SPAG16: variants seen among roughly 807,000 people sequenced by gnomAD.
SPAG16 encodes the protein sperm associated antigen 16, also known as sperm-associated antigen 16 protein.
In SPAG16, 86 loss-of-function variants were observed where a neutral mutation model predicts 80.4. The observed-to-expected ratio is 1.07, with a 90% CI of 0.90 to 1.28. The LOEUF (loss-of-function observed/expected upper bound fraction) is 1.28, where lower values mean the gene tolerates loss of function less well. Among genes scored for constraint, SPAG16 ranks in the 50% most tolerant of loss-of-function variants. The probability of loss-of-function intolerance (pLI) is 0.00; values close to 1 mark genes in which losing one functional copy is unlikely to be tolerated. For missense variants in SPAG16, 870 were observed against 765.3 expected, an observed-to-expected ratio of 1.14 and a Z score of -1.61; for synonymous variants, 294 against 265.9, an observed-to-expected ratio of 1.11 and a Z score of -1.03.
At chr2:213,431,777 C>T (rs921509092) in intron 9 of SPAG16, among the ~76,000 whole-genome samples, 2 of 152,002 alleles carry the variant, frequency 1.3e-5, no homozygotes, top group African/African-American at 2.4e-5. Flanking sequence ...GAACATTTTA[C>T]TCAACAACCT....
chr2:214,176,644 C>T (rs1162840489), intron 15 of SPAG16, among the ~76,000 whole-genome samples: 1 of 151,114 alleles, frequency 6.6e-6, no homozygotes, highest in Non-Finnish European at 1.5e-5. Context: ...TATTATTTTC[C>T]CTTGGGAGCT....
intron 10 of SPAG16, among the ~76,000 whole-genome samples, chr2:213,690,862 C>T (rs1184963302): frequency 1.3e-5 from 2 of 152,176 alleles, no homozygotes; most frequent in East Asian, 3.8e-4. Flanking sequence ...GAGGGCTGCA[C>T]TGTTGGCTTC....
At chr2:214,345,827 T>C (rs1698014591) in intron 15 of SPAG16, among the ~76,000 whole-genome samples, 1 of 152,186 alleles carries the variant, frequency 6.6e-6, no homozygotes, top group South Asian at 2.1e-4. Flanking sequence ...ATATATTCTG[T>C]ACCCTGGCTC....
chr2:214,031,691 G>T (rs1345213091), intron 13 of SPAG16, among the ~76,000 whole-genome samples: 2 of 151,746 alleles, frequency 1.3e-5, no homozygotes, highest in African/African-American at 4.8e-5. Flanking sequence ...AAGAAAACAG[G>T]TTTAATTGAC....
chr2:213,348,705 C>T (rs1437559462), intron 6 of SPAG16, among the ~76,000 whole-genome samples: 1 of 151,960 alleles, frequency 6.6e-6, no homozygotes, highest in African/African-American at 2.4e-5. Flanking sequence ...GAATATTGGC[C>T]CCCACTCTCT....
At chr2:214,118,494 T>C (rs1358593951) in intron 14 of SPAG16, among the ~76,000 whole-genome samples, 4 of 152,104 alleles carry the variant, frequency 2.6e-5, no homozygotes, top group Non-Finnish European at 5.9e-5. Flanking sequence ...TTCCACATCG[T>C]TGGGGAGGCC....
chr2:213,586,686 G>A (rs1199067810), intron 10 of SPAG16, among the ~76,000 whole-genome samples: 8 of 152,126 alleles, frequency 5.3e-5, no homozygotes, highest in East Asian at 1.9e-4. Context: ...TGAGACTCAA[G>A]GTACAATTCA....
chr2:213,594,070 C>T (rs1232699987), intron 10 of SPAG16, among the ~76,000 whole-genome samples: 4 of 152,028 alleles, frequency 2.6e-5, no homozygotes, highest in Non-Finnish European at 5.9e-5. Flanking sequence ...CCACCGCGCC[C>T]GGCCATCCCT....
intron 15 of SPAG16, among the ~76,000 whole-genome samples, chr2:214,173,101 A>G (rs1469309804): frequency 1.3e-5 from 2 of 152,014 alleles, no homozygotes; most frequent in Non-Finnish European, 2.9e-5. Flanking sequence ...CTTTAGTTTA[A>G]TGAGATCCCA....
chr2:213,709,149 A>G (rs2065875870), intron 10 of SPAG16, among the ~76,000 whole-genome samples: 1 of 152,212 alleles, frequency 6.6e-6, no homozygotes, highest in African/African-American at 2.4e-5. Flanking sequence ...AAAATTTAGT[A>G]CATTATTTAA....
intron 6 of SPAG16, 127 bp downstream of exon 6, chr2:213,340,397 C>A: frequency 1.5e-6 from 1 of 683,188 alleles, no homozygotes; most frequent in Non-Finnish European, 2.5e-6. Context: ...GAGTAAGTTG[C>A]GACCCTTGCT....
intron 11 of SPAG16, among the ~76,000 whole-genome samples, chr2:213,925,266 G>C (rs1480138646): frequency 1.3e-5 from 2 of 151,412 alleles, no homozygotes; most frequent in African/African-American, 2.4e-5. Flanking sequence ...CAGATCTTCT[G>C]TCCCTAAAAT....
intron 15 of SPAG16, among the ~76,000 whole-genome samples, chr2:214,157,436 G>A (rs1266117493): frequency 6.6e-6 from 1 of 151,938 alleles, no homozygotes; most frequent in Admixed American, 6.6e-5. Flanking sequence ...CTTTGATTTT[G>A]TCTTCTTATC....
chr2:213,556,991 G>A (rs1194532931), intron 10 of SPAG16, among the ~76,000 whole-genome samples: 1 of 152,038 alleles, frequency 6.6e-6, no homozygotes, highest in Non-Finnish European at 1.5e-5. Context: ...CAAAAGTCAA[G>A]AAAGTATTTC....
intron 10 of SPAG16, among the ~76,000 whole-genome samples, chr2:213,790,242 C>T (rs951493927): frequency 2.6e-5 from 4 of 151,834 alleles, no homozygotes; most frequent in Non-Finnish European, 1.5e-5. Flanking sequence ...CAAGACTCTC[C>T]ACGATAGTTT....
chr2:214,407,209 T>C (rs1702041830), intron 15 of SPAG16, among the ~76,000 whole-genome samples: 1 of 152,112 alleles, frequency 6.6e-6, no homozygotes, highest in Admixed American at 6.5e-5. Context: ...TTATTTCATG[T>C]GATTTTTATG....
chr2:214,346,191 T>C (rs983485598), intron 15 of SPAG16, among the ~76,000 whole-genome samples: 1 of 152,220 alleles, frequency 6.6e-6, no homozygotes, highest in African/African-American at 2.4e-5. Flanking sequence ...GTTTTGTCAG[T>C]CTTGTAAATT....
intron 11 of SPAG16, among the ~76,000 whole-genome samples, chr2:213,901,761 A>C (rs1216453875): frequency 2.0e-5 from 3 of 152,184 alleles, no homozygotes; most frequent in South Asian, 2.1e-4. Context: ...CCCAAGCAGC[A>C]GACAAGAAGT....
intron 11 of SPAG16, among the ~76,000 whole-genome samples, chr2:213,902,662 G>T (rs902094149): frequency 1.3e-5 from 2 of 151,984 alleles, no homozygotes; most frequent in Non-Finnish European, 2.9e-5. Context: ...TCTACCCCTG[G>T]CTCCTCCAAA....
Sources: allele counts gnomAD v4.1 joint callset (sites outside exome capture counted in the v4.1 genomes callset), GRCh38; gene constraint gnomAD v4.1.1; transcripts MANE v1.5; gene names NCBI Gene and HGNC (gene_info 2026-07-23, HGNC 2026-07-21).